Variants in GABRR1 observed in about 807,000 individuals in gnomAD.
The protein encoded by GABRR1 is gamma-aminobutyric acid receptor subunit rho-1.
GABRR1 carries 59 observed loss-of-function variants against 55.5 expected under a neutral mutation model. That is an observed-to-expected ratio of 1.06 (90% confidence interval 0.86 to 1.32). GABRR1 has a LOEUF of 1.32. GABRR1 is among the 40% of genes most tolerant of loss of function. The pLI, the probability that GABRR1 is intolerant of heterozygous loss-of-function variation, is 0.00. For synonymous variants in GABRR1, 213 were observed against 226.0 expected (o/e 0.94, Z 0.51); for missense variants, 602 against 619.1 (o/e 0.97, Z 0.29).
chr6:89,217,425 G>T, upstream of GABRR1: 1 of 1,318,712 alleles, frequency 7.6e-7, no homozygotes, highest in Non-Finnish European at 1.0e-6. Context: ...TTAGAAGGAT[G>T]TTTACTCATG....
chr6:89,200,135 A>G (rs1258694693), intron 3 of GABRR1, among the ~76,000 whole-genome samples: 3 of 151,966 alleles, frequency 2.0e-5, no homozygotes, highest in Non-Finnish European at 4.4e-5. Context: ...GGATTCAACA[A>G]TGGTGGATTG....
intron 3 of GABRR1, among the ~76,000 whole-genome samples, chr6:89,199,784 C>G (rs1350430286): frequency 3.3e-5 from 5 of 152,174 alleles, no homozygotes; most frequent in Non-Finnish European, 7.3e-5. Context: ...CTCTTTCATC[C>G]TGGAAGCCAC....
At chr6:89,220,457 C>G (rs779483140), upstream of GABRR1, among the ~76,000 whole-genome samples, 1 of 152,210 alleles carries the variant, frequency 6.6e-6, no homozygotes, top group Non-Finnish European at 1.5e-5. Flanking sequence ...TTGAGCCAAC[C>G]ATGCATCCCT....
At chr6:89,225,037 T>A (rs1047927063) in intron 1 of GABRR1, among the ~76,000 whole-genome samples, 2 of 152,210 alleles carry the variant, frequency 1.3e-5, no homozygotes, top group Admixed American at 6.5e-5. Flanking sequence ...CGCCTTGGCC[T>A]CCCAAAGTGC....
intron 7 of GABRR1, 79 bp downstream of exon 7, chr6:89,185,231 A>T: frequency 6.4e-7 from 1 of 1,574,660 alleles, no homozygotes; most frequent in South Asian, 1.1e-5. Flanking sequence ...ACCAATTCAA[A>T]CCTTTCCTAT....
At chr6:89,179,744 G>A (rs544705963) in intron 9 of GABRR1, among the ~76,000 whole-genome samples, 9 of 152,272 alleles carry the variant, frequency 5.9e-5, no homozygotes, top group Non-Finnish European at 1.3e-4. Context: ...GGTATTGTGG[G>A]GATAGATTAC....
At chr6:89,209,124 C>T (rs1046737937) in intron 1 of GABRR1, among the ~76,000 whole-genome samples, 24 of 151,756 alleles carry the variant, frequency 1.6e-4, no homozygotes, top group Non-Finnish European at 1.2e-4. Context: ...TAGATAAAAT[C>T]TCAGCCTATC....
chr6:89,179,222 T>G (rs1562279124), intron 9 of GABRR1, among the ~76,000 whole-genome samples, 159 bp from the exon 10 acceptor site: 1 of 151,700 alleles, frequency 6.6e-6, no homozygotes, highest in Non-Finnish European at 1.5e-5. Context: ...TTTTTGTTTT[T>G]TTTTTGGGGG....
At chr6:89,185,238 C>G in intron 7 of GABRR1, 72 bp downstream of exon 7, 5 of 1,588,692 alleles carry the variant, frequency 3.1e-6, no homozygotes, top group Non-Finnish European at 3.4e-6. Context: ...CAAACCTTTC[C>G]TATAATAGAG....
intron 1 of GABRR1, chr6:89,204,552 G>A (rs1772583596): frequency 2.0e-6 from 2 of 1,014,724 alleles, no homozygotes; most frequent in African/African-American, 1.7e-5. Context: ...AGGAGGGAAT[G>A]AAAGAGGAGA....
intron 1 of GABRR1, among the ~76,000 whole-genome samples, chr6:89,225,374 A>C (rs1582413524): frequency 7.5e-6 from 1 of 132,896 alleles, no homozygotes; most frequent in African/African-American, 2.9e-5. Context: ...CTAACTCGTC[A>C]TCTAGCATTA....
chr6:89,204,134 G>A (rs1313673627), intron 1 of GABRR1, among the ~76,000 whole-genome samples: 7 of 152,170 alleles, frequency 4.6e-5, no homozygotes, highest in African/African-American at 1.2e-4. Context: ...GGGCATCAAC[G>A]TGCCTGACTG....
intron 2 of GABRR1, 143 bp from the exon 3 acceptor site, chr6:89,201,408 C>T: frequency 1.6e-6 from 1 of 612,020 alleles, no homozygotes; most frequent in East Asian, 2.8e-5. Context: ...CTCTTTCTTT[C>T]TCCATCTTTC....
At chr6:89,194,260 C>T (rs1047696292) in intron 5 of GABRR1, among the ~76,000 whole-genome samples, 1 of 152,126 alleles carries the variant, frequency 6.6e-6, no homozygotes, top group African/African-American at 2.4e-5. Context: ...CCAGCCTTCC[C>T]ACACTGCCGG....
intron 9 of GABRR1, among the ~76,000 whole-genome samples, chr6:89,179,617 A>G (rs1045663228): frequency 1.3e-5 from 2 of 152,234 alleles, no homozygotes. Flanking sequence ...TGATTCATAG[A>G]TCACCCTGTT....
Position 89,182,067 on chromosome 6 carries a change from A to G in GABRR1, c.797-10T>C. On this transcript the variant is annotated splice_polypyrimidine_tract_variant and intron_variant, in intron 7 of 9. Coordinates refer to ENST00000454853, the MANE Select transcript of GABRR1 (RefSeq NM_002042.5). ...AGACGGTTGTACCAGCCTGGGGGAC[A>G]CAGGAATAAAAGACAGTACACATCA... is the stretch of plus-strand genomic sequence containing the variant. 6.2e-7 allele frequency: 1 copy of G among 1,613,866 alleles called. No homozygotes were observed. Among genetic ancestry groups the G allele is most frequent in the Non-Finnish European group, 8.5e-7 (1 of 1,179,848 alleles).
chr6:89,204,624 C>A, intron 1 of GABRR1: 1 of 1,273,754 alleles, frequency 7.9e-7, no homozygotes, highest in Middle Eastern at 2.2e-4. Flanking sequence ...TGAAATGGAA[C>A]CAGTCACTGA....
intron 1 of GABRR1, 32 bp downstream of exon 1, chr6:89,217,169 C>G: frequency 6.2e-7 from 1 of 1,610,352 alleles, no homozygotes; most frequent in Non-Finnish European, 8.5e-7. Flanking sequence ...ATCCTCTTTT[C>G]CTAAATCCTC....
At chr6:89,225,951 G>A (rs1773194159) in intron 1 of GABRR1, among the ~76,000 whole-genome samples, 1 of 149,188 alleles carries the variant, frequency 6.7e-6, no homozygotes, top group African/African-American at 2.5e-5. Flanking sequence ...TTTAATGATT[G>A]CCATTCTAAC....
Sources: gnomAD v4.1 joint callset for allele counts (sites outside exome capture counted in the v4.1 genomes callset) on GRCh38, gnomAD v4.1.1 for gene constraint, MANE v1.5 for transcripts, NCBI Gene and HGNC (gene_info 2026-07-23, HGNC 2026-07-21) for gene names.